Variants in MAP7D2 observed in about 807,000 individuals in gnomAD.
MAP7D2 encodes the protein MAP7 domain-containing protein 2.
Under a neutral mutation model 63.5 loss-of-function variants are expected in MAP7D2, and 33 were observed. That is an observed-to-expected ratio of 0.52 (90% CI 0.39 to 0.70). MAP7D2 has a LOEUF of 0.70. Among genes scored for constraint, MAP7D2 ranks in the 30% least tolerant of loss-of-function variants. MAP7D2 has a pLI of 0.00. For missense variants in MAP7D2, 626 were observed against 604.0 expected (o/e 1.04, Z -0.38); for synonymous variants, 224 against 223.7 (o/e 1.00, Z -0.01).
In MAP7D2 at chrX:20,025,716, G is replaced by A; in HGVS notation, c.1244C>T (p.Ala415Val). 8.3e-7 allele frequency: 1 copy of A among 1,212,018 alleles called. No homozygotes were observed. The highest frequency in any genetic ancestry group is 1.7e-5 in the African/African-American group (1 of 57,890). The change falls in exon 9 of 17, where the codon GCT (alanine) becomes GTT (valine). Residue 415 changes from alanine (A) to valine (V), a missense_variant. Coordinates refer to ENST00000379643, the MANE Select transcript of MAP7D2 (RefSeq NM_001168465.2). ...TTCGGCTTTCCCTCCTGCGGCAGCAGCATGCTTCTCGCTGGCATGCTTGTC... is the reference window on the plus strand; with the variant it reads ...TTCGGCTTTCCCTCCTGCGGCAGCAACATGCTTCTCGCTGGCATGCTTGTC... ...VVDKHASEKHAAAAGGKAENS... is the reference protein window; with the variant it reads ...VVDKHASEKHVAAAGGKAENS...
chrX:20,072,270 A>G (rs1342160502), intron 1 of MAP7D2, among the ~76,000 whole-genome samples: 1 of 111,235 alleles, frequency 9.0e-6, no homozygotes, highest in African/African-American at 3.3e-5. Flanking sequence ...CACACAGATT[A>G]ATCTTTCCAT....
chrX:20,094,503 T>C (rs186308947), intron 1 of MAP7D2, among the ~76,000 whole-genome samples: 1,292 of 20,493 alleles, frequency 0.063, 88 homozygotes, highest in African/African-American at 0.19. Flanking sequence ...TATATATATA[T>C]ATATATATAT....
Position 20,024,928 on chromosome X carries a change from C to A in MAP7D2, c.1412+23G>T. On this transcript the variant is annotated intron_variant, in intron 10 of 16. Transcript: ENST00000379643. ...ACACAACAGTTACATGAGATCACAC[C>A]GAAATTCTGAGCACTAGCATACCTA... The A allele has an allele frequency of 3.3e-6, 4 of 1,203,942 alleles. No individual in the cohort carries two copies. The East Asian group carries it at 8.9e-5, about 27-fold the overall frequency.
chrX:20,112,776 C>T (rs954241861), intron 1 of MAP7D2, among the ~76,000 whole-genome samples: 3 of 111,395 alleles, frequency 2.7e-5, no homozygotes, highest in Admixed American at 1.9e-4. Flanking sequence ...CATTGTATCA[C>T]CAGCCAATAT....
intron 1 of MAP7D2, among the ~76,000 whole-genome samples, chrX:20,073,167 T>G (rs1296705036): frequency 1.8e-5 from 2 of 111,868 alleles, no homozygotes; most frequent in Non-Finnish European, 3.8e-5. Context: ...CTAGGTTGCC[T>G]GTTTTTCCTT....
At chrX:20,032,042 T>C (rs1314524325) in intron 8 of MAP7D2, among the ~76,000 whole-genome samples, 1 of 111,402 alleles carries the variant, frequency 9.0e-6, no homozygotes, top group Non-Finnish European at 1.9e-5. Context: ...ATGACAGAAA[T>C]GTGGCTACAC....
chrX:20,084,021 T>C (rs1238102803), intron 1 of MAP7D2, among the ~76,000 whole-genome samples: 1 of 110,347 alleles, frequency 9.1e-6, no homozygotes, highest in Non-Finnish European at 1.9e-5. Context: ...GCCAACATGG[T>C]GAAACTCTGT....
At chrX:20,076,067 C>T (rs1192134325) in intron 1 of MAP7D2, among the ~76,000 whole-genome samples, 1 of 111,452 alleles carries the variant, frequency 9.0e-6, no homozygotes, top group Non-Finnish European at 1.9e-5. Context: ...CTGGGCTCTA[C>T]CCCTAGAATT....
intron 1 of MAP7D2, among the ~76,000 whole-genome samples, chrX:20,087,475 C>T (rs1273054965): frequency 8.9e-6 from 1 of 111,993 alleles, no homozygotes; most frequent in Admixed American, 9.5e-5. Flanking sequence ...CTGAGGCCCT[C>T]ACTAGAAGCA....
intron 7 of MAP7D2, among the ~76,000 whole-genome samples, 198 bp downstream of exon 7, chrX:20,044,166 C>G (rs2049086389): frequency 8.9e-6 from 1 of 111,818 alleles, no homozygotes; most frequent in African/African-American, 3.3e-5. Flanking sequence ...CTCCAAGGTA[C>G]TAAGACTTAA....
rs2065547366 is a variant in MAP7D2, at chrX:20,073,057, A to G, written c.131-8252T>C. ...ATTTGTAGTGCTCCCCCCCACCCCA[A>G]AAAAAGCAAAATACCAAAAACCACA... On this transcript the variant is annotated intron_variant, in intron 1 of 16. Coordinates refer to ENST00000379643, the MANE Select transcript of MAP7D2 (RefSeq NM_001168465.2). 2.7e-5 allele frequency among the ~76,000 whole-genome samples: 3 copies of G among 111,252 alleles called. No homozygotes were observed. In the South Asian group the frequency reaches 1.2e-3, roughly 43 times the overall value.
At chrX:20,068,960 A>G (rs1273780045) in intron 1 of MAP7D2, among the ~76,000 whole-genome samples, 1 of 111,589 alleles carries the variant, frequency 9.0e-6, no homozygotes, top group Non-Finnish European at 1.9e-5. Context: ...CCATGTAAGA[A>G]ATGCCTTTCG....
chrX:20,025,929 T>A lies in MAP7D2; in HGVS notation c.1031A>T (p.Gln344Leu), dbSNP rs764832224. 2 of 1,211,644 alleles carry A rather than the reference T, an allele frequency of 1.7e-6. No individual in the cohort carries two copies. The highest frequency in any genetic ancestry group is 2.2e-6 in the Non-Finnish European group (2 of 895,418). ...GGGAGGTTTCGTTGTCTTTGGAGACTGTGGATAAGCTTTAGTAGCTGTCCT... is the reference window on the plus strand; with the variant it reads ...GGGAGGTTTCGTTGTCTTTGGAGACAGTGGATAAGCTTTAGTAGCTGTCCT... ...ISKTATKAYP[Q>L]SPKTTKPPYP... The change falls in exon 9 of 17, where the codon CAG becomes CTG. Residue 344 changes from glutamine to leucine, a missense_variant. Coordinates refer to ENST00000379643, the MANE Select transcript of MAP7D2 (RefSeq NM_001168465.2).
At chrX:20,079,857 C>T (rs1253591217) in intron 1 of MAP7D2, among the ~76,000 whole-genome samples, 1 of 111,085 alleles carries the variant, frequency 9.0e-6, no homozygotes, top group East Asian at 2.8e-4. Flanking sequence ...TCCCAAGAAC[C>T]CCATAAAACT....
Position 20,011,047 on chromosome X carries a change from A to G in MAP7D2, c.2078T>C (p.Val693Ala). 1 of 1,209,666 alleles carries G rather than the reference A, an allele frequency of 8.3e-7. No individual in the cohort carries two copies. ...EEVQSMDVSP[V>A]SKEELISIPE... ...GATAGAGATAAGCTCTTCTTTTGAA[A>G]CAGGACTAGAAGAGATGAACGAGAG... The change falls in exon 16 of 17, where the codon GTT becomes GCT. Residue 693 changes from valine to alanine, a missense_variant. Physicochemically the swap from Val to Ala is moderately conservative, Grantham distance 64 (BLOSUM62 0). Coordinates refer to ENST00000379643, the MANE Select transcript of MAP7D2 (RefSeq NM_001168465.2).
chrX:20,054,045 T>C (rs1166392407), intron 4 of MAP7D2, among the ~76,000 whole-genome samples: 1 of 111,872 alleles, frequency 8.9e-6, no homozygotes, highest in South Asian at 3.7e-4. Context: ...TGTTTCACCA[T>C]GTTGGCCAGG....
chrX:20,015,198 G>T (rs1392534829), intron 12 of MAP7D2, 25 bp downstream of exon 12: 3 of 1,112,849 alleles, frequency 2.7e-6, no homozygotes, highest in Non-Finnish European at 3.7e-6. Context: ...ACTTACCCTA[G>T]GTCTTCCTGA....
At chrX:20,070,673 G>T (rs937779113) in intron 1 of MAP7D2, among the ~76,000 whole-genome samples, 1 of 110,619 alleles carries the variant, frequency 9.0e-6, no homozygotes, top group East Asian at 2.8e-4. Context: ...TGAAACAGAG[G>T]TCTTTTCCTG....
At chrX:20,097,160 G>A (rs1005360551) in intron 1 of MAP7D2, among the ~76,000 whole-genome samples, 8 of 112,159 alleles carry the variant, frequency 7.1e-5, no homozygotes, top group African/African-American at 2.6e-4. Flanking sequence ...ATGTGGCTTA[G>A]TGCAATCAAG....
Sources: allele counts gnomAD v4.1 joint callset (sites outside exome capture counted in the v4.1 genomes callset), GRCh38; gene constraint gnomAD v4.1.1; transcripts MANE v1.5; gene names NCBI Gene and HGNC (gene_info 2026-07-23, HGNC 2026-07-21).